PTRH1: variants seen among roughly 807,000 people sequenced by gnomAD.
PTRH1 encodes peptidyl-tRNA hydrolase.
PTRH1 carries 13 observed loss-of-function variants against 15.7 expected under a neutral mutation model. The ratio of observed to expected loss-of-function variants is 0.83; its 90% confidence interval spans 0.54 to 1.31. The LOEUF is 1.31. PTRH1 is among the 40% of genes most tolerant of loss of function. The pLI is 0.00. For synonymous variants in PTRH1, 139 were observed against 136.7 expected, an observed-to-expected ratio of 1.02 and a Z score of -0.12; for missense variants, 319 against 296.2, an observed-to-expected ratio of 1.08 and a Z score of -0.56.
Position 127,714,696 on chromosome 9 carries a change from A to T in PTRH1, c.323T>A (p.Leu108Gln). The T allele has an allele frequency of 6.2e-7, 1 of 1,611,156 alleles. No individual in the cohort carries two copies. Among genetic ancestry groups the T allele is most frequent in the East Asian group, 2.2e-5 (1 of 44,662 alleles). ...GACTTCCTCGGCAGTCAGCCCAAAC[A>T]GCTCCGCTTAGCACAGGGAAACGGC... The part of the protein sequence containing the change: ...NGRSVARAAE[L>Q]FGLTAEEVYL... Residue 108 changes from leucine to glutamine, a missense_variant, in exon 3 of 5, where the codon CTG becomes CAG. Physicochemically the swap from Leu to Gln is moderately radical, Grantham distance 113 (BLOSUM62 -2). Coordinates refer to ENST00000543175, the MANE Select transcript of PTRH1 (RefSeq NM_001002913.3).
chr9:127,712,990 G>A (rs1345400138), downstream of PTRH1: 16 of 1,608,220 alleles, frequency 9.9e-6, no homozygotes, highest in African/African-American at 1.3e-5. Context: ...CTCGCCGAAG[G>A]CTCTGTGACC....
At chr9:127,712,715 C>T (rs773446696), downstream of PTRH1, 8 of 1,614,000 alleles carry the variant, frequency 5.0e-6, no homozygotes, top group East Asian at 6.7e-5. Context: ...ACAGATGCAC[C>T]GCGATGAAGA....
At chr9:127,704,229 G>A (rs1394476806) in intron 1 of PTRH1, among the ~76,000 whole-genome samples, 1 of 152,180 alleles carries the variant, frequency 6.6e-6, no homozygotes, top group African/African-American at 2.4e-5. Flanking sequence ...AGCTGGCTGG[G>A]TGCAGTGGAT....
chr9:127,704,379 G>A (rs528899869), intron 1 of PTRH1, among the ~76,000 whole-genome samples: 78 of 151,862 alleles, frequency 5.1e-4, no homozygotes, highest in African/African-American at 1.8e-3. Flanking sequence ...ATGGTGGTGC[G>A]TGCGTGTAGT....
chr9:127,715,278 G>T lies in PTRH1; in HGVS notation c.97-84C>A. On this transcript the variant is annotated intron_variant, in intron 1 of 4. Coordinates refer to ENST00000543175, the MANE Select transcript of PTRH1 (RefSeq NM_001002913.3). This position sits in a 1 kb window ranked among gnomAD's most constrained non-coding sequence, Gnocchi z 5.8. ...GCGTCCCGTGGGCCCCAACGCAGAG[G>T]AGCGGAAACGCAGAGCAACGCTGCA... The T allele has an allele frequency of 7.0e-7, 1 of 1,437,634 alleles. No individual in the cohort carries two copies. Among genetic ancestry groups the T allele is most frequent in the South Asian group, 1.2e-5 (1 of 82,016 alleles). The allele number at this position is 1,437,634 out of a possible 1,614,324, so 89.1% of individuals were successfully genotyped here.
In PTRH1 at chr9:127,713,989, G is replaced by A; in HGVS notation, c.*111C>T. On this transcript the variant is annotated 3_prime_UTR_variant, in exon 5 of 5. Transcript: ENST00000543175. ...TTTAATCCGCAGGCAGCCTGGAACAGTCTAGAGGAGATTTGTATAAAAAGT... is the reference window on the plus strand; with the variant it reads ...TTTAATCCGCAGGCAGCCTGGAACAATCTAGAGGAGATTTGTATAAAAAGT... The A allele has an allele frequency of 6.3e-7, 1 of 1,576,770 alleles. No individual in the cohort carries two copies. Among genetic ancestry groups the A allele is most frequent in the Admixed American group, 1.7e-5 (1 of 59,652 alleles).
downstream of PTRH1, chr9:127,709,668 G>C: frequency 6.2e-7 from 1 of 1,613,652 alleles, no homozygotes; most frequent in African/African-American, 1.3e-5. This position sits in a 1 kb window ranked among gnomAD's most constrained non-coding sequence, Gnocchi z 4.7. Context: ...CCAAGGACCA[G>C]CTCACCACGG....
intron 1 of PTRH1, among the ~76,000 whole-genome samples, chr9:127,707,886 T>C (rs763889677): frequency 1.3e-5 from 2 of 152,210 alleles, no homozygotes; most frequent in Non-Finnish European, 2.9e-5. Flanking sequence ...AGGTGACTGA[T>C]GCTGTGGGTG....
chr9:127,697,787 A>T (rs1842573413), intron 1 of PTRH1, among the ~76,000 whole-genome samples: 1 of 152,240 alleles, frequency 6.6e-6, no homozygotes. Context: ...AACTGGGCTG[A>T]ATGGTGCTGA....
downstream of PTRH1, among the ~76,000 whole-genome samples, chr9:127,709,029 C>T (rs1842705869): frequency 6.6e-6 from 1 of 152,218 alleles, no homozygotes. This position sits in a 1 kb window ranked among gnomAD's most constrained non-coding sequence, Gnocchi z 4.7. Context: ...CTTTATCCTT[C>T]TGAGCCTCAG....
chr9:127,697,263 AT>A (rs1422395539), intron 1 of PTRH1, among the ~76,000 whole-genome samples: 2 of 152,244 alleles, frequency 1.3e-5, no homozygotes, highest in Non-Finnish European at 2.9e-5. Flanking sequence ...GATGAATTCC[AT>A]TGCTCAAGGT....
At chr9:127,706,366 T>C (rs1443394924) in intron 1 of PTRH1, among the ~76,000 whole-genome samples, 2 of 152,182 alleles carry the variant, frequency 1.3e-5, no homozygotes, top group Non-Finnish European at 2.9e-5. Flanking sequence ...ACCACTGCCA[T>C]TCCCCTTGGC....
intron 2 of PTRH1, 35 bp downstream of exon 2, chr9:127,714,940 G>GCCCCCC: frequency 3.5e-6 from 1 of 282,396 alleles, no homozygotes. Flanking sequence ...CCACCCCCTT[G>GCCCCCC]GCCCGCCCGC....
In PTRH1 at chr9:127,715,132, C is replaced by CA; in HGVS notation, c.158dup (p.Gln55AlafsTer67). 1 of 1,537,048 alleles carries CA rather than the reference C, an allele frequency of 6.5e-7. No homozygotes were observed. The highest frequency in any genetic ancestry group is 8.7e-7 in the Non-Finnish European group (1 of 1,147,310). ...CACCCAGCCGCCGCGCCAGCTGCCC[C>CA]AGCACCGCCATGCCCACGCTGTGTC... On this transcript the variant is annotated frameshift_variant, in exon 2 of 5. Coordinates refer to ENST00000543175, the MANE Select transcript of PTRH1 (RefSeq NM_001002913.3). LOFTEE classifies it high-confidence loss of function. This position sits in a 1 kb window ranked among gnomAD's most constrained non-coding sequence, Gnocchi z 5.8.
downstream of PTRH1, chr9:127,712,512 C>A: frequency 6.8e-7 from 1 of 1,479,648 alleles, no homozygotes; most frequent in Non-Finnish European, 9.1e-7. Flanking sequence ...AAAGATCCCT[C>A]CAAGGTCTTA....
Position 127,713,857 on chromosome 9 carries a change from A to G in PTRH1, c.*243T>C. 1 of 1,613,934 alleles carries G rather than the reference A, an allele frequency of 6.2e-7. No homozygotes were observed. The highest frequency in any genetic ancestry group is 8.5e-7 in the Non-Finnish European group (1 of 1,180,018). On this transcript the variant is annotated 3_prime_UTR_variant, in exon 5 of 5. Coordinates refer to ENST00000543175, the MANE Select transcript of PTRH1 (RefSeq NM_001002913.3). ...AGATGCGTGCCCCTGGTTCTCTAAA[A>G]AGGCTTGAAAAGTTTAGTCTTCCTG...
intron 3 of PTRH1, 65 bp from the exon 4 acceptor site, chr9:127,714,489 C>A (rs900718513): frequency 6.2e-6 from 10 of 1,605,822 alleles, no homozygotes; most frequent in Non-Finnish European, 8.5e-6. Flanking sequence ...CCCCTCCCTG[C>A]CCCGGCTGGG....
chr9:127,707,997 C>T (rs780388450), intron 1 of PTRH1, among the ~76,000 whole-genome samples: 1 of 152,110 alleles, frequency 6.6e-6, no homozygotes. Flanking sequence ...TGATGTCATC[C>T]CCATTGCACA....
At chr9:127,711,905 T>A (rs1218490464), downstream of PTRH1, 2 of 1,603,478 alleles carry the variant, frequency 1.2e-6, no homozygotes, top group South Asian at 2.3e-5. Flanking sequence ...CTGAGCCAGT[T>A]GGAGCAGAGA....
Sources: allele counts gnomAD v4.1 joint callset (sites outside exome capture counted in the v4.1 genomes callset), GRCh38; gene constraint gnomAD v4.1.1; non-coding constraint Gnocchi (gnomAD v3.1); transcripts MANE v1.5; gene names NCBI Gene and HGNC (gene_info 2026-07-23, HGNC 2026-07-21).